Variants in ADARB2 observed in about 807,000 individuals in gnomAD.
ADARB2 encodes adenosine deaminase RNA specific B2 (inactive).
In ADARB2, 25 loss-of-function variants were observed where a neutral mutation model predicts 62.2. That is an observed-to-expected ratio of 0.40 (90% CI 0.29 to 0.56). The LOEUF (loss-of-function observed/expected upper bound fraction) is 0.56. Among genes scored for constraint, ADARB2 ranks in the 20% least tolerant of loss-of-function variants. The pLI, the probability that ADARB2 is intolerant of heterozygous loss-of-function variation, is 0.43. For synonymous variants in ADARB2, 572 were observed against 500.8 expected, an observed-to-expected ratio of 1.14 and a Z score of -1.90; for missense variants, 1,071 against 1,077.4, an observed-to-expected ratio of 0.99 and a Z score of 0.08.
At chr10:1,576,046 G>GT (rs1564335493) in intron 1 of ADARB2, among the ~76,000 whole-genome samples, 7 of 49,970 alleles carry the variant, frequency 1.4e-4, no homozygotes, top group Admixed American at 1.6e-4. Context: ...CGGCGGGGGG[G>GT]TCAGGGTCAC....
chr10:1,262,851 A>G (rs1004708864), intron 4 of ADARB2, among the ~76,000 whole-genome samples: 5 of 152,180 alleles, frequency 3.3e-5, no homozygotes, highest in African/African-American at 1.2e-4. Flanking sequence ...TTTTGGCACT[A>G]TTCACAATAG....
At chr10:1,367,191 G>A (rs970489930) in intron 2 of ADARB2, among the ~76,000 whole-genome samples, 4 of 152,236 alleles carry the variant, frequency 2.6e-5, no homozygotes, top group Admixed American at 2.6e-4. Context: ...CGCGCTGCCT[G>A]CCCGTTCAGC....
intron 3 of ADARB2, among the ~76,000 whole-genome samples, chr10:1,333,290 G>C (rs1445382239): frequency 3.9e-5 from 6 of 152,194 alleles, no homozygotes; most frequent in African/African-American, 1.4e-4. Flanking sequence ...GGAAGAAGCT[G>C]TGGTCTCAAT....
In ADARB2 at chr10:1,477,741, T is replaced by C. The variant is rs1280004706; in HGVS notation, c.101-98581A>G. ...GAGAATGCCTTCGTGACTATTTCCC[T>C]TAGACATAAATAGAGACCACAGCCA... On this transcript the variant is annotated intron_variant, in intron 1 of 9. Transcript: ENST00000381312. This position sits in a 1 kb window ranked among gnomAD's most constrained non-coding sequence, Gnocchi z 4.5. 6.6e-6 allele frequency among the ~76,000 whole-genome samples: 1 copy of C among 152,246 alleles called. No individual in the cohort carries two copies. The highest frequency in any genetic ancestry group is 1.5e-5 in the Non-Finnish European group (1 of 68,046).
chr10:1,358,303 A>G (rs576063099), intron 3 of ADARB2, among the ~76,000 whole-genome samples: 64 of 152,298 alleles, frequency 4.2e-4, no homozygotes, highest in Non-Finnish European at 7.3e-4. Flanking sequence ...AGCCATTATG[A>G]TGTCGGATAG....
intron 7 of ADARB2, among the ~76,000 whole-genome samples, chr10:1,207,632 G>A (rs1837087145): frequency 6.6e-6 from 1 of 152,176 alleles, no homozygotes; most frequent in Non-Finnish European, 1.5e-5. Context: ...ACTCTGCACA[G>A]GCTAAAATTT....
intron 1 of ADARB2, among the ~76,000 whole-genome samples, chr10:1,710,970 C>A (rs1834943257): frequency 6.6e-6 from 1 of 152,278 alleles, no homozygotes; most frequent in South Asian, 2.1e-4. Context: ...GGCCCAACCC[C>A]CTGTGCTCTG....
At chr10:1,241,586 AG>A (rs1318010170) in intron 5 of ADARB2, among the ~76,000 whole-genome samples, 1 of 152,152 alleles carries the variant, frequency 6.6e-6, no homozygotes, top group Non-Finnish European at 1.5e-5. Context: ...TCCTCTCTAA[AG>A]TGTCTCAGGG....
At chr10:1,475,301 GAC>G (rs1831384201) in intron 1 of ADARB2, among the ~76,000 whole-genome samples, 1 of 152,238 alleles carries the variant, frequency 6.6e-6, no homozygotes, top group Admixed American at 6.5e-5. Flanking sequence ...GGCTGGGTTT[GAC>G]AGTGTATCTG....
chr10:1,665,146 A>G lies in ADARB2; in HGVS notation c.100+71905T>C, dbSNP rs1363937156. Among the ~76,000 whole-genome samples, 5 of 152,160 alleles carry G rather than the reference A, an allele frequency of 3.3e-5. No individual in the cohort carries two copies. The South Asian group carries it at 6.2e-4, about 19-fold the overall frequency. On this transcript the variant is annotated intron_variant, in intron 1 of 9. Transcript: ENST00000381312. ...GAAGTACTGGAATCATAATTAAAGG[A>G]AAAAAAAGCTTAGGTCACTGCTAAC...
chr10:1,633,631 A>G (rs1833877697), intron 1 of ADARB2, among the ~76,000 whole-genome samples: 1 of 124,588 alleles, frequency 8.0e-6, no homozygotes, highest in Non-Finnish European at 1.9e-5. Flanking sequence ...TAATCTATCT[A>G]TCCATCCATC....
At chr10:1,332,397 T>A (rs770431867) in intron 3 of ADARB2, among the ~76,000 whole-genome samples, 14 of 145,794 alleles carry the variant, frequency 9.6e-5, no homozygotes, top group African/African-American at 3.6e-4. Flanking sequence ...GTCTGGGTGA[T>A]GGAGTGAGAC....
intron 2 of ADARB2, among the ~76,000 whole-genome samples, chr10:1,368,951 G>A (rs36139735): frequency 0.21 from 24,054 of 114,944 alleles, 6,593 homozygotes; most frequent in Non-Finnish European, 0.28. Context: ...GCTGGGCTGG[G>A]TGAGGGTGGG....
intron 4 of ADARB2, among the ~76,000 whole-genome samples, chr10:1,264,172 C>G: frequency 6.6e-6 from 1 of 152,128 alleles, no homozygotes; most frequent in East Asian, 1.9e-4. Flanking sequence ...CCTTGAAATA[C>G]AGATGATAAT....
intron 4 of ADARB2, among the ~76,000 whole-genome samples, chr10:1,265,918 C>G (rs587700030): frequency 6.8e-4 from 81 of 118,370 alleles, no homozygotes; most frequent in Non-Finnish European, 1.3e-3. Flanking sequence ...CGGCCTGAGC[C>G]AGGTCCACGC....
intron 1 of ADARB2, among the ~76,000 whole-genome samples, chr10:1,555,891 C>T (rs1290062680): frequency 6.6e-6 from 1 of 152,062 alleles, no homozygotes; most frequent in East Asian, 2.0e-4. Flanking sequence ...GCCGAGATCA[C>T]ACCACTGCAC....
chr10:1,451,719 C>T (rs1831042176), intron 1 of ADARB2, among the ~76,000 whole-genome samples: 1 of 147,790 alleles, frequency 6.8e-6, no homozygotes, highest in Non-Finnish European at 1.5e-5. Flanking sequence ...TGAGGAGGGA[C>T]ACACCCATAT....
intron 1 of ADARB2, among the ~76,000 whole-genome samples, chr10:1,410,598 G>T (rs1832751276): frequency 6.6e-6 from 1 of 152,160 alleles, no homozygotes; most frequent in Non-Finnish European, 1.5e-5. Flanking sequence ...GACGTTAAAA[G>T]GAGATCACTG....
At chr10:1,510,138 TTCTTTCTTTCTTTCTTTC>T (rs1831914339) in intron 1 of ADARB2, among the ~76,000 whole-genome samples, 4 of 143,636 alleles carry the variant, frequency 2.8e-5, no homozygotes, top group African/African-American at 1.1e-4. Context: ...CTTTCTTTCT[TTCTTTCTTTCTTTCTTTC>T]TTTCTTTCTT....
Sources: allele counts gnomAD v4.1 joint callset (sites outside exome capture counted in the v4.1 genomes callset), GRCh38; gene constraint gnomAD v4.1.1; non-coding constraint Gnocchi (gnomAD v3.1); transcripts MANE v1.5; gene names NCBI Gene and HGNC (gene_info 2026-07-23, HGNC 2026-07-21).